RBFOX1: variants seen among roughly 807,000 people sequenced by gnomAD.
RBFOX1 encodes RNA binding fox-1 homolog 1.
A neutral mutation model predicts 57.7 loss-of-function variants in RBFOX1; 8 were observed. That is an observed-to-expected ratio of 0.14 (90% CI 0.08 to 0.25). RBFOX1 has a LOEUF of 0.25. Ranked by LOEUF, RBFOX1 falls within the 10% of genes least tolerant of loss-of-function variation. The pLI, the probability that RBFOX1 is intolerant of heterozygous loss-of-function variation, is 1.00. For missense variants in RBFOX1, 611 were observed against 548.5 expected, an observed-to-expected ratio of 1.11 and a Z score of -1.14; for synonymous variants, 326 against 222.4, an observed-to-expected ratio of 1.47 and a Z score of -4.15.
chr16:5,793,855 C>T (rs1023508892), intron 3 of RBFOX1, among the ~76,000 whole-genome samples: 2 of 152,216 alleles, frequency 1.3e-5, no homozygotes, highest in Non-Finnish European at 2.9e-5. Flanking sequence ...CACAAATGTA[C>T]TGGGAGACTG....
intron 4 of RBFOX1, among the ~76,000 whole-genome samples, chr16:7,108,023 G>T (rs376956768): frequency 2.0e-5 from 3 of 151,416 alleles, no homozygotes; most frequent in East Asian, 3.9e-4. Context: ...ATAAGATTGG[G>T]GGGGAGAGGG....
At chr16:6,462,198 T>G (rs1197447126) in intron 2 of RBFOX1, among the ~76,000 whole-genome samples, 1 of 152,192 alleles carries the variant, frequency 6.6e-6, no homozygotes, top group Non-Finnish European at 1.5e-5. Context: ...AGTTAATGTG[T>G]GGCCTCCTCC....
At chr16:5,611,624 A>T (rs1192134562) in intron 3 of RBFOX1, among the ~76,000 whole-genome samples, 2 of 152,070 alleles carry the variant, frequency 1.3e-5, no homozygotes, top group African/African-American at 4.8e-5. Flanking sequence ...TCACCTATCC[A>T]TCTGTTCATC....
intron 3 of RBFOX1, among the ~76,000 whole-genome samples, chr16:5,787,931 A>G (rs914638805): frequency 1.3e-5 from 2 of 152,238 alleles, no homozygotes; most frequent in Non-Finnish European, 2.9e-5. Context: ...ATTTGGGCAG[A>G]GACAAGAGAG....
chr16:6,318,567 C>A (rs1336068384), intron 2 of RBFOX1, among the ~76,000 whole-genome samples: 1 of 152,094 alleles, frequency 6.6e-6, no homozygotes, highest in Admixed American at 6.6e-5. Flanking sequence ...ATTCCTCTGT[C>A]TTCTGAATAT....
intron 2 of RBFOX1, among the ~76,000 whole-genome samples, chr16:5,573,082 G>T (rs937412076): frequency 6.6e-6 from 1 of 152,200 alleles, no homozygotes; most frequent in African/African-American, 2.4e-5. Context: ...TAATGATGGT[G>T]CCCTGGATCG....
intron 1 of RBFOX1, among the ~76,000 whole-genome samples, chr16:6,032,696 G>A (rs547326731): frequency 9.2e-5 from 14 of 151,988 alleles, no homozygotes; most frequent in South Asian, 6.2e-4. Context: ...AATTATTTTC[G>A]GTAGTAAAAA....
chr16:6,291,775 A>C (rs576282481), intron 1 of RBFOX1, among the ~76,000 whole-genome samples: 1 of 152,324 alleles, frequency 6.6e-6, no homozygotes, highest in African/African-American at 2.4e-5. Flanking sequence ...TTTCCCCTTT[A>C]AATATTGAAA....
chr16:6,247,176 G>A (rs937873395), intron 1 of RBFOX1, among the ~76,000 whole-genome samples: 21 of 152,170 alleles, frequency 1.4e-4, no homozygotes, highest in African/African-American at 5.1e-4. Flanking sequence ...ATTAAATTCA[G>A]TATGTGAAAT....
chr16:7,482,286 G>A (rs753731817), intron 4 of RBFOX1, among the ~76,000 whole-genome samples: 3 of 152,100 alleles, frequency 2.0e-5, no homozygotes, highest in African/African-American at 7.2e-5. Flanking sequence ...TTCTATCTTC[G>A]CAGTAACTCT....
chr16:5,608,170 C>T (rs1596431672), intron 3 of RBFOX1, among the ~76,000 whole-genome samples: 1 of 152,282 alleles, frequency 6.6e-6, no homozygotes, highest in East Asian at 1.9e-4. Flanking sequence ...ATTGTCTGAG[C>T]GCATACCTTG....
intron 2 of RBFOX1, among the ~76,000 whole-genome samples, chr16:5,540,442 A>G (rs2044884389): frequency 6.6e-6 from 1 of 152,202 alleles, no homozygotes; most frequent in Non-Finnish European, 1.5e-5. Context: ...TATATGGCAC[A>G]CCAATTAACT....
intron 14 of RBFOX1, among the ~76,000 whole-genome samples, chr16:7,699,797 G>A (rs1469775208): frequency 2.0e-5 from 3 of 151,888 alleles, no homozygotes; most frequent in Non-Finnish European, 4.4e-5. Context: ...TTGCATGTGT[G>A]GCTTTTATTA....
At chr16:7,508,710 C>T (rs904751814) in intron 4 of RBFOX1, among the ~76,000 whole-genome samples, 1 of 152,124 alleles carries the variant, frequency 6.6e-6, no homozygotes, top group Non-Finnish European at 1.5e-5. Context: ...CGCCCAGGGG[C>T]CACCTGAACT....
chr16:6,828,428 G>T (rs1390998083), intron 3 of RBFOX1, among the ~76,000 whole-genome samples: 1 of 152,032 alleles, frequency 6.6e-6, no homozygotes, highest in African/African-American at 2.4e-5. Flanking sequence ...GGAGACTGAG[G>T]CAGGAGAATC....
At chr16:5,795,216 C>A (rs1283463125) in intron 3 of RBFOX1, among the ~76,000 whole-genome samples, 1 of 152,120 alleles carries the variant, frequency 6.6e-6, no homozygotes, top group East Asian at 1.9e-4. Context: ...TTTCATATCC[C>A]CCCTCTCCCT....
chr16:7,168,528 C>A lies in RBFOX1; in HGVS notation c.27+116430C>A, dbSNP rs538023395. Among the ~76,000 whole-genome samples the A allele has an allele frequency of 5.3e-5, 8 of 152,196 alleles. 1 individual carries two copies. The South Asian group carries it at 6.2e-4, about 12-fold the overall frequency. The stretch of plus-strand genomic sequence containing the variant: ...ATTTGGCTCATACTGGTACAGAAAA[C>A]CTTCAATTAAGTTGCAGAAAAATGG... On this transcript the variant is annotated intron_variant, in intron 4 of 15. Coordinates refer to ENST00000550418, the MANE Select transcript of RBFOX1 (RefSeq NM_018723.4).
At chr16:7,373,863 TGAGA>T (rs1224802957) in intron 4 of RBFOX1, among the ~76,000 whole-genome samples, 1 of 152,150 alleles carries the variant, frequency 6.6e-6, no homozygotes, top group African/African-American at 2.4e-5. Context: ...CAGCTTCTCG[TGAGA>T]GAGAGTTTAG....
chr16:6,967,488 A>G (rs1221757128), intron 3 of RBFOX1, among the ~76,000 whole-genome samples: 1 of 152,114 alleles, frequency 6.6e-6, no homozygotes, highest in Non-Finnish European at 1.5e-5. Flanking sequence ...GGAGCAGTGG[A>G]TAGACGTTAT....
Sources: gnomAD v4.1 joint callset for allele counts (sites outside exome capture counted in the v4.1 genomes callset) on GRCh38, gnomAD v4.1.1 for gene constraint, MANE v1.5 for transcripts, NCBI Gene and HGNC (gene_info 2026-07-23, HGNC 2026-07-21) for gene names.